CYREN: variants seen among roughly 807,000 people sequenced by gnomAD.
CYREN encodes the protein cell cycle regulator of non-homologous end joining.
In CYREN, 7 loss-of-function variants were observed where a neutral mutation model predicts 9.7. That is an observed-to-expected ratio of 0.72 (90% CI 0.41 to 1.36). The LOEUF (loss-of-function observed/expected upper bound fraction) is 1.36, where lower values mean the gene tolerates loss of function less well. Ranked by LOEUF, CYREN falls within the 40% of genes most tolerant of loss-of-function variation. The pLI, the probability that CYREN is intolerant of heterozygous loss-of-function variation, is 0.01. For missense variants in CYREN, 215 were observed against 198.1 expected, an observed-to-expected ratio of 1.09 and a Z score of -0.51; for synonymous variants, 76 against 77.9, an observed-to-expected ratio of 0.98 and a Z score of 0.13.
intron 2 of CYREN, among the ~76,000 whole-genome samples, chr7:135,143,076 G>A (rs563965474): frequency 4.0e-4 from 61 of 152,316 alleles, no homozygotes; most frequent in Middle Eastern, 6.8e-3. Flanking sequence ...ACTGAGTGCG[G>A]TGGCTCATGC....
At chr7:135,098,112 G>T (rs79771635) in intron 2 of CYREN, among the ~76,000 whole-genome samples, 1 of 152,098 alleles carries the variant, frequency 6.6e-6, no homozygotes, top group East Asian at 1.9e-4. Context: ...ACCAAAATAG[G>T]TCTACAGATA....
chr7:135,109,453 A>C (rs1416666189), intron 2 of CYREN, among the ~76,000 whole-genome samples: 1 of 119,618 alleles, frequency 8.4e-6, no homozygotes, highest in African/African-American at 2.8e-5. Context: ...GAAGAGATAC[A>C]GGATGGGGGC....
chr7:135,100,646 C>T (rs567240408), intron 2 of CYREN, among the ~76,000 whole-genome samples: 244 of 152,204 alleles, frequency 1.6e-3, no homozygotes, highest in African/African-American at 5.3e-3. Context: ...AGGTAAGAGA[C>T]CAACATGTAA....
chr7:135,161,427 T>C (rs1829934935), downstream of CYREN, among the ~76,000 whole-genome samples: 1 of 152,210 alleles, frequency 6.6e-6, no homozygotes, highest in African/African-American at 2.4e-5. The surrounding 1 kb of genome is among the most constrained non-coding windows in gnomAD (Gnocchi z 4.1). Flanking sequence ...CCTTCCCAGT[T>C]GGTCCTGAAC....
At chr7:135,119,597 G>C (rs912903036) in intron 2 of CYREN, among the ~76,000 whole-genome samples, 3 of 151,910 alleles carry the variant, frequency 2.0e-5, no homozygotes, top group South Asian at 2.1e-4. Context: ...AGTCAGAGAG[G>C]CTGGGCACAG....
Position 135,128,956 on chromosome 7 carries a change from G to A in CYREN, n.357-34374C>T, listed in dbSNP as rs529066645. 1.1e-5 allele frequency: 18 copies of A among 1,577,040 alleles called. No individual in the cohort carries two copies. The African/African-American group carries it at 1.9e-4, about 17-fold the overall frequency. ...ATCTGTTTCTGTAAGAAGCTGGGTA[G>A]TGAATGCATGTACTTCTTGGAGTGC... On this transcript the variant is annotated intron_variant and non_coding_transcript_variant, in intron 2 of 2. Coordinates refer to the CYREN transcript ENST00000459937.
intron 2 of CYREN, among the ~76,000 whole-genome samples, chr7:135,138,714 T>A (rs1224901500): frequency 6.6e-6 from 1 of 151,976 alleles, no homozygotes; most frequent in Non-Finnish European, 1.5e-5. Context: ...TAATACACAA[T>A]AGGTAGATTT....
At chr7:135,140,260 A>C (rs1829428614) in intron 2 of CYREN, among the ~76,000 whole-genome samples, 1 of 151,822 alleles carries the variant, frequency 6.6e-6, no homozygotes, top group African/African-American at 2.4e-5. Flanking sequence ...TGTAATTCTC[A>C]TTGTAGACAT....
intron 3 of CYREN, 85 bp downstream of exon 3, chr7:135,167,647 G>T: frequency 6.3e-7 from 1 of 1,576,530 alleles, no homozygotes. Context: ...GGCAGAGGGC[G>T]TCTCTCTTAC....
chr7:135,132,775 C>T (rs12540411), intron 2 of CYREN, among the ~76,000 whole-genome samples: 67,127 of 151,942 alleles, frequency 0.44, 15,485 homozygotes, highest in East Asian at 0.78. Context: ...CTTTGCCTTC[C>T]GCCAAGATTG....
intron 2 of CYREN, among the ~76,000 whole-genome samples, chr7:135,110,308 C>T (rs1825438135): frequency 1.3e-5 from 2 of 152,162 alleles, no homozygotes; most frequent in South Asian, 2.1e-4. Context: ...TGGATTCAGC[C>T]CCTTTCCTAG....
At chr7:135,170,532 T>A (rs1184727807) in intron 1 of CYREN, 120 bp downstream of exon 1, 2 of 152,242 alleles carry the variant, frequency 1.3e-5, no homozygotes, top group East Asian at 3.9e-4. Context: ...CGCGCGCTCC[T>A]CCGGCCGGCT....
intron 2 of CYREN, among the ~76,000 whole-genome samples, chr7:135,123,651 A>G (rs911633950): frequency 3.3e-5 from 5 of 152,198 alleles, no homozygotes; most frequent in African/African-American, 7.2e-5. Context: ...GAGAAAGGCC[A>G]GGTCATCTAC....
At chr7:135,171,286 A>T (rs1830639983), upstream of CYREN, among the ~76,000 whole-genome samples, 1 of 150,898 alleles carries the variant, frequency 6.6e-6, no homozygotes, top group South Asian at 2.1e-4. Context: ...AGACCCTCTC[A>T]TATTGTTTTA....
chr7:135,146,265 G>A (rs766759675), intron 2 of CYREN, among the ~76,000 whole-genome samples: 9 of 152,062 alleles, frequency 5.9e-5, no homozygotes, highest in Non-Finnish European at 1.0e-4. Context: ...TTGGTGGAGC[G>A]GTCAGAACTG....
At chr7:135,155,208 T>C (rs1829760690) in intron 2 of CYREN, among the ~76,000 whole-genome samples, 1 of 152,224 alleles carries the variant, frequency 6.6e-6, no homozygotes, top group South Asian at 2.1e-4. Flanking sequence ...CACCCCTTTG[T>C]TTTCAGTCTA....
intron 2 of CYREN, among the ~76,000 whole-genome samples, chr7:135,118,113 A>G (rs1170866773): frequency 6.6e-6 from 1 of 152,080 alleles, no homozygotes; most frequent in Non-Finnish European, 1.5e-5. Context: ...CTCTGTTTCC[A>G]TGAGTAGCTT....
At chr7:135,149,315 C>G (rs1463406558) in intron 2 of CYREN, among the ~76,000 whole-genome samples, 1 of 152,060 alleles carries the variant, frequency 6.6e-6, no homozygotes, top group Non-Finnish European at 1.5e-5. Context: ...CTTCTTTAGT[C>G]TCTTTCTCCT....
chr7:135,140,014 C>A (rs1324684691), intron 2 of CYREN, among the ~76,000 whole-genome samples: 1 of 151,856 alleles, frequency 6.6e-6, no homozygotes, highest in Non-Finnish European at 1.5e-5. Flanking sequence ...CAGCTTTGTT[C>A]TTTTTGCTTA....
Sources: allele counts gnomAD v4.1 joint callset (sites outside exome capture counted in the v4.1 genomes callset), GRCh38; gene constraint gnomAD v4.1.1; non-coding constraint Gnocchi (gnomAD v3.1); transcripts MANE v1.5; gene names NCBI Gene and HGNC (gene_info 2026-07-23, HGNC 2026-07-21).